Variants in ULK4 observed in about 807,000 individuals in gnomAD.
The protein encoded by ULK4 is inactive serine/threonine-protein kinase ULK4.
Under a neutral mutation model 160.6 loss-of-function variants are expected in ULK4, and 133 were observed. That is an observed-to-expected ratio of 0.83 (90% CI 0.72 to 0.96). The LOEUF is 0.96. ULK4 is among the 40% of genes least tolerant of loss of function. ULK4 has a pLI of 0.00. For synonymous variants in ULK4, 534 were observed against 539.8 expected (o/e 0.99, Z 0.15); for missense variants, 1,580 against 1,499.5 (o/e 1.05, Z -0.89).
At chr3:41,898,539 G>GATAT (rs1698246306) in intron 13 of ULK4, 47 bp from the exon 14 acceptor site, 2 of 1,197,926 alleles carry the variant, frequency 1.7e-6, no homozygotes, top group South Asian at 2.6e-5. Flanking sequence ...TTTTAAGATG[G>GATAT]ATATCTGTCT....
chr3:41,767,229 A>G lies in ULK4; in HGVS notation c.2194-12741T>C, dbSNP rs193142429. Among the ~76,000 whole-genome samples, 372 of 152,336 alleles carry G rather than the reference A, an allele frequency of 2.4e-3. 1 individual carries two copies. Among genetic ancestry groups the G allele is most frequent in the African/African-American group, 8.0e-3 (332 of 41,588 alleles). ...TGAAGCATGTTAATTTTCTTCACAAAAATGTATTCATGTAAGTTACAAAAA... is the reference window on the plus strand; with the variant it reads ...TGAAGCATGTTAATTTTCTTCACAAGAATGTATTCATGTAAGTTACAAAAA... On this transcript the variant is annotated intron_variant, in intron 21 of 36. Transcript: ENST00000301831.
chr3:41,504,238 C>T (rs1037196389), intron 32 of ULK4, among the ~76,000 whole-genome samples: 3 of 152,172 alleles, frequency 2.0e-5, no homozygotes, highest in African/African-American at 7.2e-5. Flanking sequence ...CATGTCCTAT[C>T]TGCTAACTGT....
chr3:41,633,402 T>C (rs1000907792), intron 30 of ULK4, among the ~76,000 whole-genome samples: 3 of 152,222 alleles, frequency 2.0e-5, no homozygotes, highest in Non-Finnish European at 4.4e-5. Context: ...ATTTACATAC[T>C]GTCTGCGTTT....
intron 20 of ULK4, among the ~76,000 whole-genome samples, chr3:41,791,274 A>G (rs551167437): frequency 2.9e-4 from 44 of 152,242 alleles, no homozygotes; most frequent in African/African-American, 1.0e-3. Context: ...GATTACAGAC[A>G]TGAGCCACCG....
At chr3:41,558,278 G>A (rs2087383793) in intron 32 of ULK4, among the ~76,000 whole-genome samples, 1 of 152,132 alleles carries the variant, frequency 6.6e-6, no homozygotes, top group Non-Finnish European at 1.5e-5. Flanking sequence ...GGATGTTGCT[G>A]TGTAAAAGAA....
intron 35 of ULK4, among the ~76,000 whole-genome samples, chr3:41,386,419 C>A (rs536116648): frequency 6.6e-6 from 1 of 152,080 alleles, no homozygotes; most frequent in Non-Finnish European, 1.5e-5. Context: ...CTAATAATAT[C>A]CCAGGTATAA....
chr3:41,550,293 A>G (rs1051154294), intron 32 of ULK4, among the ~76,000 whole-genome samples: 2 of 152,114 alleles, frequency 1.3e-5, no homozygotes, highest in East Asian at 3.8e-4. Context: ...TTACCTATCA[A>G]TAATAACCTT....
chr3:41,312,034 CATG>C (rs1004644691), intron 35 of ULK4, among the ~76,000 whole-genome samples: 2 of 147,502 alleles, frequency 1.4e-5, no homozygotes. Flanking sequence ...AGTGCAGTGG[CATG>C]ATTACAGCTC....
intron 32 of ULK4, among the ~76,000 whole-genome samples, chr3:41,486,385 T>G (rs764368555): frequency 6.6e-6 from 1 of 152,050 alleles, no homozygotes; most frequent in Non-Finnish European, 1.5e-5. Flanking sequence ...TGTGCAGAAA[T>G]AAACAAAGGT....
At chr3:41,928,399 G>A (rs1669126686) in intron 5 of ULK4, among the ~76,000 whole-genome samples, 1 of 152,084 alleles carries the variant, frequency 6.6e-6, no homozygotes, top group Admixed American at 6.5e-5. Context: ...GAGAAAGTAG[G>A]AAAGATCTAA....
chr3:41,505,775 C>G (rs2085352745), intron 32 of ULK4, among the ~76,000 whole-genome samples: 2 of 151,878 alleles, frequency 1.3e-5, no homozygotes, highest in South Asian at 4.2e-4. Flanking sequence ...AGTTTTATTT[C>G]TTCCTTTCTA....
At chr3:41,661,570 G>C (rs564948205) in intron 30 of ULK4, among the ~76,000 whole-genome samples, 4 of 152,186 alleles carry the variant, frequency 2.6e-5, no homozygotes, top group African/African-American at 9.6e-5. Context: ...CAGACAGACA[G>C]AATTTAAGTA....
intron 31 of ULK4, among the ~76,000 whole-genome samples, chr3:41,587,903 A>C (rs928259661): frequency 1.3e-5 from 2 of 150,316 alleles, no homozygotes; most frequent in African/African-American, 4.9e-5. Context: ...AAGACAATTG[A>C]AAAGTGATCT....
chr3:41,560,492 T>C (rs1305423064), intron 32 of ULK4, among the ~76,000 whole-genome samples: 1 of 152,238 alleles, frequency 6.6e-6, no homozygotes, highest in East Asian at 1.9e-4. Flanking sequence ...TTCCTATCCA[T>C]GAACATGGAA....
intron 17 of ULK4, among the ~76,000 whole-genome samples, chr3:41,853,680 T>G (rs1559608579): frequency 6.6e-6 from 1 of 152,270 alleles, no homozygotes; most frequent in East Asian, 1.9e-4. Flanking sequence ...CCTCCCCTAT[T>G]CACAAGCCAA....
intron 34 of ULK4, among the ~76,000 whole-genome samples, chr3:41,416,825 C>T (rs1297257790): frequency 6.6e-6 from 1 of 152,022 alleles, no homozygotes; most frequent in Non-Finnish European, 1.5e-5. Flanking sequence ...GAAAGGGGGA[C>T]CCAAATTTGT....
rs61500854 is a variant in ULK4 at position 41,931,470 on chromosome 3, T to TAAAAA, written c.541+369_541+373dup. ...TGTTCTGCACATGTACCCTAGAACT[T>TAAAAA]AAAAAAAAAAAAAAAAAAGAAAGAA... On this transcript the variant is annotated intron_variant, in intron 5 of 36. Coordinates refer to ENST00000301831, the MANE Select transcript of ULK4 (RefSeq NM_017886.4). Among the ~76,000 whole-genome samples, 29 of 126,954 alleles carry TAAAAA rather than the reference T, an allele frequency of 2.3e-4. 1 individual carries two copies. Among genetic ancestry groups the TAAAAA allele is most frequent in the Non-Finnish European group, 3.5e-4 (21 of 59,612 alleles). 83.3% of individuals were successfully genotyped at this position (126,954 alleles called of 152,430 possible).
At chr3:41,462,959 T>C in intron 33 of ULK4, 128 bp downstream of exon 33, 1 of 1,132,672 alleles carries the variant, frequency 8.8e-7, no homozygotes, top group Non-Finnish European at 1.2e-6. Context: ...CAGAAGACAC[T>C]CTCTATAGAA....
intron 30 of ULK4, among the ~76,000 whole-genome samples, chr3:41,625,048 A>G (rs1283661890): frequency 6.6e-6 from 1 of 152,200 alleles, no homozygotes; most frequent in African/African-American, 2.4e-5. Context: ...TAAAGCAAGT[A>G]AGGAAGAAGG....
Sources: gnomAD v4.1 joint callset for allele counts (sites outside exome capture counted in the v4.1 genomes callset) on GRCh38, gnomAD v4.1.1 for gene constraint, MANE v1.5 for transcripts, NCBI Gene and HGNC (gene_info 2026-07-23, HGNC 2026-07-21) for gene names.